The following UGT2A2 variants were observed in gnomAD, a reference collection of about 807,000 sequenced individuals.
The protein encoded by UGT2A2 is UDP-glucuronosyltransferase 2A2.
Under a neutral mutation model 50.7 loss-of-function variants are expected in UGT2A2, and 60 were observed. That is an observed-to-expected ratio of 1.18 (90% CI 0.96 to 1.47). UGT2A2 has a LOEUF of 1.47. Among genes scored for constraint, UGT2A2 ranks in the 40% most tolerant of loss-of-function variants. The probability of loss-of-function intolerance (pLI) is 0.00; values close to 1 mark genes in which losing one functional copy is unlikely to be tolerated. For synonymous variants in UGT2A2, 242 were observed against 214.6 expected (o/e 1.13, Z -1.11); for missense variants, 762 against 634.0 (o/e 1.20, Z -2.17).
chr4:69,635,698 C>A, intron 1 of UGT2A2: 1 of 284,868 alleles, frequency 3.5e-6, no homozygotes, highest in African/African-American at 2.3e-5. Flanking sequence ...GACCTGCTGG[C>A]AGCCTGTAAT....
intron 1 of UGT2A2, among the ~76,000 whole-genome samples, chr4:69,637,276 A>G (rs1721764339): frequency 2.6e-5 from 4 of 152,122 alleles, no homozygotes; most frequent in African/African-American, 9.7e-5. Flanking sequence ...TTTACCTTGC[A>G]TATGTTTTAT....
chr4:69,633,188 A>G (rs1721480899), intron 1 of UGT2A2, among the ~76,000 whole-genome samples: 1 of 152,204 alleles, frequency 6.6e-6, no homozygotes, highest in South Asian at 2.1e-4. Context: ...AGTTACACAC[A>G]TACACATTTG....
At chr4:69,606,956 G>A (rs1203576162) in intron 1 of UGT2A2, among the ~76,000 whole-genome samples, 2 of 136,388 alleles carry the variant, frequency 1.5e-5, no homozygotes, top group African/African-American at 3.0e-5. Context: ...ATGCTCATGG[G>A]TAGGAAGAAT....
Position 69,635,635 on chromosome 4 carries a change from G to A in UGT2A2, c.742+3264C>T, listed in dbSNP as rs1422983969. ...ACTTGAGGTCAGGAACTTGAGACCA[G>A]CCTCGCCAACATGGTGAAACCTCGT... is the stretch of plus-strand genomic sequence containing the variant. On this transcript the variant is annotated intron_variant, in intron 1 of 5. Transcript: ENST00000604629. 3.0e-5 allele frequency: 6 copies of A among 198,404 alleles called. No individual in the cohort carries two copies. In the South Asian group the frequency reaches 3.2e-4, roughly 11 times the overall value. The allele number at this position is 198,404 out of a possible 1,614,324, so 12.3% of individuals were successfully genotyped here.
chr4:69,632,637 C>T (rs1721449211), intron 1 of UGT2A2, among the ~76,000 whole-genome samples: 1 of 152,072 alleles, frequency 6.6e-6, no homozygotes, highest in East Asian at 1.9e-4. Flanking sequence ...GGCCTGTAAT[C>T]CCAGCACTTT....
intron 1 of UGT2A2, among the ~76,000 whole-genome samples, chr4:69,624,807 T>G (rs1360654385): frequency 1.3e-5 from 2 of 151,408 alleles, no homozygotes; most frequent in Admixed American, 1.3e-4. Context: ...CATTTTGGTT[T>G]TAAGCAGTCA....
rs561201129 is a variant in UGT2A2, at chr4:69,604,669, G to A, written c.743-5275C>T. Among the ~76,000 whole-genome samples the A allele has an allele frequency of 5.9e-5, 8 of 136,734 alleles. 2 individuals carry two copies. In the South Asian group the frequency reaches 1.2e-3, roughly 20 times the overall value. The allele number at this position is 136,734 out of a possible 152,430, so 89.7% of individuals were successfully genotyped here. A position where few individuals can be genotyped will look rare whatever the true frequency, so the allele number is the denominator to read the frequency against. On this transcript the variant is annotated intron_variant, in intron 1 of 5. Coordinates refer to ENST00000604629, the MANE Select transcript of UGT2A2 (RefSeq NM_001105677.2). ...AGACCCATCAGTGTGCTGTATTCAG[G>A]AAACCCATCTCACGTGAAGAGACAC...
intron 1 of UGT2A2, among the ~76,000 whole-genome samples, chr4:69,626,365 A>G (rs1721060239): frequency 6.6e-6 from 1 of 151,622 alleles, no homozygotes; most frequent in Non-Finnish European, 1.5e-5. Context: ...AAAAAAAACT[A>G]TATACATATG....
At chr4:69,590,342 C>T (rs1385905556) in intron 5 of UGT2A2, among the ~76,000 whole-genome samples, 1 of 152,172 alleles carries the variant, frequency 6.6e-6, no homozygotes, top group Admixed American at 6.5e-5. Flanking sequence ...GATAACAGTT[C>T]TAATGGCTTC....
chr4:69,618,889 A>G (rs1355064725), intron 1 of UGT2A2, among the ~76,000 whole-genome samples: 1 of 151,970 alleles, frequency 6.6e-6, no homozygotes, highest in Non-Finnish European at 1.5e-5. Flanking sequence ...AAAATTTTCT[A>G]CTCAACATTG....
At position 69,639,535 on chromosome 4, in the gene UGT2A2, G is replaced by A. The variant is rs1401494747; in HGVS notation, c.106C>T (p.Pro36Ser). The A allele has an allele frequency of 2.5e-6, 4 of 1,612,886 alleles. No individual in the cohort carries two copies. The highest frequency in any genetic ancestry group is 1.1e-5 in the South Asian group (1 of 90,920). Residue 36 changes from proline to serine, a missense_variant, in exon 1 of 6, where the codon CCT (proline) becomes TCT (serine). Physicochemically the swap from Pro to Ser is moderately conservative, Grantham distance 74 (BLOSUM62 -1). Coordinates refer to ENST00000604629, the MANE Select transcript of UGT2A2 (RefSeq NM_001105677.2). ...VVLSGNVLIW[P>S]TDGSHWLNIK... ...TTTAACCAATGGCTACCATCTGTAG[G>A]CCAAATTAACACATTCCCACTTAGA...
chr4:69,617,492 C>G (rs904025704), intron 1 of UGT2A2, among the ~76,000 whole-genome samples: 4 of 151,690 alleles, frequency 2.6e-5, no homozygotes, highest in Non-Finnish European at 5.9e-5. Flanking sequence ...CGTACAAAAC[C>G]AAGATGAACA....
chr4:69,608,537 AC>A (rs1423475758), intron 1 of UGT2A2, among the ~76,000 whole-genome samples: 1 of 152,190 alleles, frequency 6.6e-6, no homozygotes, highest in East Asian at 1.9e-4. Context: ...CACGTTGTGT[AC>A]ATGTACCCTA....
At chr4:69,593,054 A>G (rs947044876) in intron 5 of UGT2A2, among the ~76,000 whole-genome samples, 5 of 152,172 alleles carry the variant, frequency 3.3e-5, no homozygotes, top group Non-Finnish European at 7.4e-5. Flanking sequence ...GGCCATAAGT[A>G]ATATTTCCAC....
chr4:69,614,864 C>T (rs1457218645), intron 1 of UGT2A2, among the ~76,000 whole-genome samples: 1 of 151,998 alleles, frequency 6.6e-6, no homozygotes, highest in Non-Finnish European at 1.5e-5. Flanking sequence ...AATTGACCCA[C>T]AGTTCCACAG....
intron 3 of UGT2A2, among the ~76,000 whole-genome samples, chr4:69,595,830 TA>T (rs1232287791): frequency 2.1e-4 from 32 of 152,320 alleles, no homozygotes; most frequent in Non-Finnish European, 7.4e-5. Context: ...AGAGTTGTAA[TA>T]AAACCTAGAC....
At chr4:69,608,844 TG>T (rs1719848278) in intron 1 of UGT2A2, among the ~76,000 whole-genome samples, 2 of 151,978 alleles carry the variant, frequency 1.3e-5, no homozygotes, top group African/African-American at 4.8e-5. Context: ...CACAGGCACA[TG>T]CCACCATGTC....
chr4:69,627,459 GGCAA>G (rs1721126824), intron 1 of UGT2A2, among the ~76,000 whole-genome samples: 2 of 63,864 alleles, frequency 3.1e-5, no homozygotes, highest in Non-Finnish European at 6.6e-5. Flanking sequence ...TAGGCAGACA[GGCAA>G]GCAGGCAGGC....
At chr4:69,599,695 A>AAG (rs138740078) in intron 1 of UGT2A2, 199 of 200,328 alleles carry the variant, frequency 9.9e-4, no homozygotes, top group East Asian at 1.7e-3. Flanking sequence ...GAAATAAAGA[A>AAG]AGAGAGAGAG....
Sources: gnomAD v4.1 joint callset for allele counts (sites outside exome capture counted in the v4.1 genomes callset) on GRCh38, gnomAD v4.1.1 for gene constraint, MANE v1.5 for transcripts, NCBI Gene and HGNC (gene_info 2026-07-23, HGNC 2026-07-21) for gene names.